PCDHA12: variants seen among roughly 807,000 people sequenced by gnomAD.
The protein encoded by PCDHA12 is protocadherin alpha 12.
A neutral mutation model predicts 60.0 loss-of-function variants in PCDHA12; 44 were observed. The observed-to-expected ratio is 0.73, with a 90% CI of 0.58 to 0.94. The LOEUF is 0.94. Ranked by LOEUF, PCDHA12 falls within the 40% of genes least tolerant of loss-of-function variation. The pLI is 0.00. For missense variants in PCDHA12, 1,276 were observed against 1,239.7 expected, an observed-to-expected ratio of 1.03 and a Z score of -0.44; for synonymous variants, 569 against 553.0, an observed-to-expected ratio of 1.03 and a Z score of -0.40.
At chr5:141,009,374 G>A (rs567366098) in intron 3 of PCDHA12, among the ~76,000 whole-genome samples, 2 of 152,334 alleles carry the variant, frequency 1.3e-5, no homozygotes, top group African/African-American at 2.4e-5. Context: ...TGGGAGGATT[G>A]ATTGAGCACA....
At position 140,927,110 on chromosome 5, in the gene PCDHA12, G is replaced by T; in HGVS notation, c.2367+49271G>T. The T allele has an allele frequency of 3.7e-6, 6 of 1,613,752 alleles. No individual in the cohort carries two copies. The Middle Eastern group carries it at 8.3e-4, about 222-fold the overall frequency. On this transcript the variant is annotated intron_variant, in intron 1 of 3. Transcript: ENST00000398631. ...TACTTCGGGGTGGATCTACCCAGCG[G>T]CAATTTGGTGGTCAGAGAGCCGGCG...
chr5:140,928,057 G>A, intron 1 of PCDHA12: 1 of 1,614,178 alleles, frequency 6.2e-7, no homozygotes. Context: ...TCAGCTGACG[G>A]CTTCCTTTGA....
Position 140,899,596 on chromosome 5 carries a change from G to A in PCDHA12, c.2367+21757G>A, listed in dbSNP as rs567280301. On this transcript the variant is annotated intron_variant, in intron 1 of 3. Transcript: ENST00000398631. ...ATTCGGTTTGCCAGTATTTTATTGA[G>A]GACTTTTGCATCAATGTTCATCAAG... Among the ~76,000 whole-genome samples the A allele has an allele frequency of 7.2e-5, 11 of 152,196 alleles. No individual in the cohort carries two copies. In the East Asian group the frequency reaches 2.1e-3, roughly 29 times the overall value.
Position 140,875,493 on chromosome 5 carries a change from A to T in PCDHA12, c.21A>T (p.Arg7Ser). The change falls in exon 1 of 4, where the codon AGA (arginine) becomes AGT (serine). Residue 7 changes from arginine to serine, a missense_variant. Physicochemically the swap from Arg to Ser is moderately radical, Grantham distance 110 (BLOSUM62 -1). Transcript: ENST00000398631. ...CTGCAATGGTGATTATCGGACCAAG[A>T]GGCCCGGGATCCCAGCGTCTGCTGC... MVIIGP[R>S]GPGSQRLLLS... The T allele has an allele frequency of 6.2e-7, 1 of 1,612,928 alleles. No individual in the cohort carries two copies. Among genetic ancestry groups the T allele is most frequent in the South Asian group, 1.1e-5 (1 of 91,022 alleles).
Position 140,882,398 on chromosome 5 carries a change from T to C in PCDHA12, c.2367+4559T>C, listed in dbSNP as rs782596260. The C allele has an allele frequency of 5.6e-6, 9 of 1,614,040 alleles. No individual in the cohort carries two copies. In the African/African-American group the frequency reaches 9.3e-5, roughly 17 times the overall value. On this transcript the variant is annotated intron_variant, in intron 1 of 3. Coordinates refer to ENST00000398631, the MANE Select transcript of PCDHA12 (RefSeq NM_018903.4). ...CCCCGAGGAAGCAAAACACGGCACCTTCGTGGGCCGCATCGCTCAGGACCT... is the reference window on the plus strand; with the variant it reads ...CCCCGAGGAAGCAAAACACGGCACCCTCGTGGGCCGCATCGCTCAGGACCT...
At chr5:140,882,648 A>C in intron 1 of PCDHA12, 1 of 1,614,216 alleles carries the variant, frequency 6.2e-7, no homozygotes, top group Non-Finnish European at 8.5e-7. Context: ...AGGGACATTA[A>C]CGACAACCCG....
chr5:140,919,207 T>C (rs1554198972), intron 1 of PCDHA12, among the ~76,000 whole-genome samples: 1 of 152,222 alleles, frequency 6.6e-6, no homozygotes, highest in Non-Finnish European at 1.5e-5. Context: ...CATTATAAAA[T>C]GTCCTTCTTG....
intron 1 of PCDHA12, chr5:140,883,983 G>A (rs2059929181): frequency 6.2e-7 from 1 of 1,612,892 alleles, no homozygotes; most frequent in East Asian, 2.2e-5. Flanking sequence ...GGGGCTGGCA[G>A]CGCGGGAGGC....
chr5:140,976,990 A>G (rs1162326000), intron 1 of PCDHA12, among the ~76,000 whole-genome samples: 1 of 152,228 alleles, frequency 6.6e-6, no homozygotes. Flanking sequence ...TCTTACTGCC[A>G]TAAGAAATCT....
chr5:140,973,331 TGTAAAGTGACATAGTA>T (rs782725271), intron 1 of PCDHA12, among the ~76,000 whole-genome samples: 2 of 152,218 alleles, frequency 1.3e-5, no homozygotes, highest in Non-Finnish European at 2.9e-5. Context: ...TTACACTCGT[TGTAAAGTGACATAGTA>T]GTGAATTTAT....
chr5:140,924,064 G>A (rs1584331926), intron 1 of PCDHA12, among the ~76,000 whole-genome samples: 1 of 152,172 alleles, frequency 6.6e-6, no homozygotes. Context: ...CTTTACAGTT[G>A]TATTTCATCT....
At chr5:140,960,762 A>G (rs1164322988) in intron 1 of PCDHA12, among the ~76,000 whole-genome samples, 5 of 152,214 alleles carry the variant, frequency 3.3e-5, no homozygotes, top group Non-Finnish European at 7.3e-5. Flanking sequence ...CCCAAGAGTT[A>G]CAGAGGAGAA....
Position 140,876,004 on chromosome 5 carries a change from T to A in PCDHA12, c.532T>A (p.Phe178Ile). 6.2e-7 allele frequency: 1 copy of A among 1,613,866 alleles called. No homozygotes were observed. Among genetic ancestry groups the A allele is most frequent in the African/African-American group, 1.3e-5 (1 of 75,026 alleles). ...LTYALSLNENFELKIKTKKDK... is the reference protein window; with the variant it reads ...LTYALSLNENIELKIKTKKDK... ...CTATGCGTTAAGTCTAAATGAGAATTTTGAGCTTAAAATAAAAACAAAAAA... is the reference window on the plus strand; with the variant it reads ...CTATGCGTTAAGTCTAAATGAGAATATTGAGCTTAAAATAAAAACAAAAAA... Residue 178 changes from phenylalanine (F) to isoleucine (I), a missense_variant, in exon 1 of 4, where the codon TTT (phenylalanine) becomes ATT (isoleucine). By Grantham distance (21) the Phe-to-Ile change is conservative. Coordinates refer to ENST00000398631, the MANE Select transcript of PCDHA12 (RefSeq NM_018903.4).
intron 1 of PCDHA12, among the ~76,000 whole-genome samples, chr5:140,896,631 C>A (rs1583239619): frequency 6.6e-6 from 1 of 152,014 alleles, no homozygotes; most frequent in East Asian, 1.9e-4. Context: ...CCTGCCTTGG[C>A]CTCCCAAAGT....
intron 1 of PCDHA12, chr5:140,966,135 T>A (rs1456572936): frequency 1.2e-5 from 2 of 162,166 alleles, no homozygotes; most frequent in African/African-American, 4.8e-5. Context: ...CCCCTCAGTT[T>A]ATTTTCCTGA....
At chr5:140,958,241 AT>A (rs2095415572) in intron 1 of PCDHA12, among the ~76,000 whole-genome samples, 1 of 152,118 alleles carries the variant, frequency 6.6e-6, no homozygotes, top group Non-Finnish European at 1.5e-5. Flanking sequence ...GTTTTTAACA[AT>A]TCTGAACAAA....
At chr5:140,878,577 G>A (rs1228813773) in intron 1 of PCDHA12, among the ~76,000 whole-genome samples, 2 of 152,122 alleles carry the variant, frequency 1.3e-5, no homozygotes, top group African/African-American at 2.4e-5. Context: ...GTATACCACT[G>A]CCCTGTGCCT....
At chr5:140,972,740 T>G (rs2096553417) in intron 1 of PCDHA12, among the ~76,000 whole-genome samples, 1 of 149,910 alleles carries the variant, frequency 6.7e-6, no homozygotes, top group Admixed American at 6.8e-5. Flanking sequence ...CCCGGCTCAC[T>G]GCAACCTCCG....
chr5:140,928,401 C>T, intron 1 of PCDHA12: 1 of 1,614,028 alleles, frequency 6.2e-7, no homozygotes, highest in Non-Finnish European at 8.5e-7. Flanking sequence ...TGGAATCATC[C>T]AGTGGGGCCA....
Sources: allele counts gnomAD v4.1 joint callset (sites outside exome capture counted in the v4.1 genomes callset), GRCh38; gene constraint gnomAD v4.1.1; transcripts MANE v1.5; gene names NCBI Gene and HGNC (gene_info 2026-07-23, HGNC 2026-07-21).